The following ARHGEF16 variants were observed in gnomAD, a reference collection of about 807,000 sequenced individuals.
ARHGEF16 encodes Rho guanine exchange factor (GEF) 16.
In ARHGEF16, 59 loss-of-function variants were observed where a neutral mutation model predicts 74.1. That is an observed-to-expected ratio of 0.80 (90% CI 0.65 to 0.99). The LOEUF is 0.99. Ranked by LOEUF, ARHGEF16 falls within the 50% of genes least tolerant of loss-of-function variation. The pLI, the probability that ARHGEF16 is intolerant of heterozygous loss-of-function variation, is 0.00. For synonymous variants in ARHGEF16, 415 were observed against 412.6 expected (o/e 1.01, Z -0.07); for missense variants, 948 against 986.6 (o/e 0.96, Z 0.52).
At chr1:3,454,894 C>G (rs995107109) in intron 1 of ARHGEF16, 83 bp downstream of exon 1, 7 of 152,148 alleles carry the variant, frequency 4.6e-5, no homozygotes, top group Admixed American at 3.3e-4. Flanking sequence ...CCGGGGGAGG[C>G]GCCGGGAACC....
intron 2 of ARHGEF16, 36 bp downstream of exon 2, chr1:3,463,708 C>A: frequency 7.3e-7 from 1 of 1,362,546 alleles, no homozygotes; most frequent in Non-Finnish European, 9.5e-7. Flanking sequence ...GGGGAGGGGG[C>A]TGCTAGGCAG....
chr1:3,469,566 T>A lies in ARHGEF16; in HGVS notation c.995T>A (p.Ile332Asn), dbSNP rs758713112. ...QMEHHHLFSN[I>N]LDVLGASQRF... is the part of the protein sequence containing the mutation. ...GAGCACCACCACCTCTTCTCCAACA[T>A]CCTGGATGTCCTGGGTGCCAGTCAG... Residue 332 changes from isoleucine (I) to asparagine (N), a missense_variant, in exon 6 of 15, where the codon ATC (isoleucine) becomes AAC (asparagine). Coordinates refer to ENST00000378378, the MANE Select transcript of ARHGEF16 (RefSeq NM_014448.4). The A allele has an allele frequency of 6.2e-7, 1 of 1,612,902 alleles. No individual in the cohort carries two copies. The highest frequency in any genetic ancestry group is 8.5e-7 in the Non-Finnish European group (1 of 1,179,948).
At chr1:3,458,230 A>C (rs970889293) in intron 1 of ARHGEF16, among the ~76,000 whole-genome samples, 5 of 152,336 alleles carry the variant, frequency 3.3e-5, no homozygotes, top group African/African-American at 1.2e-4. Context: ...GGGAGACAGG[A>C]CAGCCAGCCA....
rs746180064 is a variant in ARHGEF16, at chr1:3,463,106, A to G, written c.22A>G (p.Ser8Gly). Reference sequence around the variant, plus strand: ...CAGCATGGCCCAGCGGCACTCAGACAGCTCCTTGGAGGAGAAGCTCCTGGG... The same window carrying G: ...CAGCATGGCCCAGCGGCACTCAGACGGCTCCTTGGAGGAGAAGCTCCTGGG... MAQRHSD[S>G]SLEEKLLGHR... Residue 8 changes from serine (S) to glycine (G), a missense_variant, in exon 2 of 15, where the codon AGC becomes GGC. By Grantham distance (56) the Ser-to-Gly change is moderately conservative. Coordinates refer to ENST00000378378, the MANE Select transcript of ARHGEF16 (RefSeq NM_014448.4). The G allele has an allele frequency of 1.4e-6, 2 of 1,459,402 alleles. No homozygotes were observed. The highest frequency in any genetic ancestry group is 1.4e-5 in the African/African-American group (1 of 70,020). The allele number at this position is 1,459,402 out of a possible 1,614,324, so 90.4% of individuals were successfully genotyped here. A position where few individuals can be genotyped will look rare whatever the true frequency, so the allele number is the denominator to read the frequency against.
intron 6 of ARHGEF16, 91 bp downstream of exon 6, chr1:3,469,684 G>A: frequency 6.5e-7 from 1 of 1,529,256 alleles, no homozygotes; most frequent in East Asian, 2.3e-5. Flanking sequence ...CAGGCCCCTG[G>A]GAGCCTGCGC....
In ARHGEF16 at chr1:3,478,729, C is replaced by T. The variant is rs765196206; in HGVS notation, c.1814+117C>T. On this transcript the variant is annotated intron_variant, in intron 12 of 14. Coordinates refer to ENST00000378378, the MANE Select transcript of ARHGEF16 (RefSeq NM_014448.4). ...TGGCTGGCTCTGAACGCCCACCGTG[C>T]ACCTGGCCCTGCTGTAGGTGCTGAG... The T allele has an allele frequency of 4.2e-4, 501 of 1,195,194 alleles. 4 individuals carry two copies. Among genetic ancestry groups the T allele is most frequent in the Middle Eastern group, 4.1e-3 (14 of 3,436 alleles). The allele number at this position is 1,195,194 out of a possible 1,614,324, so 74.0% of individuals were successfully genotyped here.
chr1:3,463,322 G>T lies in ARHGEF16; in HGVS notation c.238G>T (p.Ala80Ser). The T allele has an allele frequency of 6.5e-7, 1 of 1,550,170 alleles. No individual in the cohort carries two copies. Among genetic ancestry groups the T allele is most frequent in the Non-Finnish European group, 8.7e-7 (1 of 1,146,884 alleles). ...PIVLSTESPA[A>S]LKLGTQQLIP... ...CGTCCTGAGCACAGAGAGCCCGGCG[G>T]CCCTCAAGCTGGGCACCCAACAGCT... Residue 80 changes from alanine to serine, a missense_variant, in exon 2 of 15, where the codon GCC becomes TCC. Physicochemically the swap from Ala to Ser is moderately conservative, Grantham distance 99. Coordinates refer to ENST00000378378, the MANE Select transcript of ARHGEF16 (RefSeq NM_014448.4).
In ARHGEF16 at chr1:3,477,861, C is replaced by T. The variant is rs748276185; in HGVS notation, c.1474-14C>T. ...CCTCGCACTGATCTCCGCCTCCCGG[C>T]TCTGTCCCCCCAGTCCCTCCCACTG... On this transcript the variant is annotated splice_polypyrimidine_tract_variant and intron_variant, in intron 10 of 14. Coordinates refer to ENST00000378378, the MANE Select transcript of ARHGEF16 (RefSeq NM_014448.4). The T allele has an allele frequency of 6.2e-7, 1 of 1,602,374 alleles. No individual in the cohort carries two copies. The highest frequency in any genetic ancestry group is 8.5e-7 in the Non-Finnish European group (1 of 1,171,428).
intron 3 of ARHGEF16, 43 bp from the exon 4 acceptor site, chr1:3,467,125 T>A (rs1275037649): frequency 6.6e-7 from 1 of 1,524,260 alleles, no homozygotes; most frequent in African/African-American, 1.4e-5. Context: ...CGCAGCCTTT[T>A]GCAATCCCCC....
intron 9 of ARHGEF16, among the ~76,000 whole-genome samples, chr1:3,475,112 G>A (rs2493320): frequency 0.075 from 133 of 1,778 alleles, 59 homozygotes; most frequent in South Asian, 0.5. Flanking sequence ...GGCCTTTCAC[G>A]GCGCTGACAG....
Position 3,463,091 on chromosome 1 carries a change from C to T in ARHGEF16, c.7C>T (p.Gln3Ter), listed in dbSNP as rs1639441529. 2 of 1,454,684 alleles carry T rather than the reference C, an allele frequency of 1.4e-6. No homozygotes were observed. The highest frequency in any genetic ancestry group is 1.8e-6 in the Non-Finnish European group (2 of 1,099,166). 90.1% of individuals were successfully genotyped at this position (1,454,684 alleles called of 1,614,324 possible). A position where few individuals can be genotyped will look rare whatever the true frequency, so the allele number is the denominator to read the frequency against. Reference sequence around the variant, plus strand: ...GACCCCACAGCCGCCCAGCATGGCCCAGCGGCACTCAGACAGCTCCTTGGA... The same window carrying T: ...GACCCCACAGCCGCCCAGCATGGCCTAGCGGCACTCAGACAGCTCCTTGGA... MA[Q>*]RHSDSSLEEK... is the part of the protein sequence containing the mutation. Residue 3 changes from glutamine to a stop codon, truncating the protein, a stop_gained, in exon 2 of 15, where the codon CAG (glutamine) becomes TAG (stop). Coordinates refer to ENST00000378378, the MANE Select transcript of ARHGEF16 (RefSeq NM_014448.4). LOFTEE classifies it high-confidence loss of function.
chr1:3,456,294 C>T (rs1056376221), intron 1 of ARHGEF16, among the ~76,000 whole-genome samples: 3 of 152,228 alleles, frequency 2.0e-5, no homozygotes, highest in Non-Finnish European at 2.9e-5. Flanking sequence ...TCACATGTGA[C>T]GCGCAGGTCC....
Position 3,468,877 on chromosome 1 carries a change from C to G in ARHGEF16, c.805-3C>G, listed in dbSNP as rs1190061716. Reference sequence around the variant, plus strand: ...GAGAGCTCCTGGGCCTGTGTCCCCCCAGGTGGTGGAATTGGGCATCCTGGA... The same window carrying G: ...GAGAGCTCCTGGGCCTGTGTCCCCCGAGGTGGTGGAATTGGGCATCCTGGA... On this transcript the variant is annotated splice_polypyrimidine_tract_variant and splice_region_variant and intron_variant, in intron 4 of 14. Coordinates refer to ENST00000378378, the MANE Select transcript of ARHGEF16 (RefSeq NM_014448.4). The G allele has an allele frequency of 1.9e-6, 3 of 1,550,432 alleles. No homozygotes were observed. Among genetic ancestry groups the G allele is most frequent in the South Asian group, 1.2e-5 (1 of 84,064 alleles).
chr1:3,476,636 G>T (rs1248008843), intron 10 of ARHGEF16, among the ~76,000 whole-genome samples: 1 of 152,038 alleles, frequency 6.6e-6, no homozygotes, highest in African/African-American at 2.4e-5. Context: ...CCCACACACT[G>T]GCCGCATCCT....
chr1:3,478,492 C>G lies in ARHGEF16; in HGVS notation c.1694C>G (p.Ser565Cys). 1 of 1,612,654 alleles carries G rather than the reference C, an allele frequency of 6.2e-7. No homozygotes were observed. Among genetic ancestry groups the G allele is most frequent in the South Asian group, 1.1e-5 (1 of 91,074 alleles). The change falls in exon 12 of 15, where the codon TCT becomes TGT. Residue 565 changes from serine (S) to cysteine (C), a missense_variant. Ser to Cys is a moderately radical substitution (Grantham distance 112). Transcript: ENST00000378378. ...NHIQVEKIEP[S>C]ELPLPGGGNR... ...ATCCAGGTGGAGAAGATAGAGCCGT[C>G]TGAGCTCCCTCTGCCCGGGGGCGGC... is the stretch of plus-strand genomic sequence containing the variant.
chr1:3,480,036 G>T (rs1402057185), intron 14 of ARHGEF16, 123 bp downstream of exon 14: 3 of 956,144 alleles, frequency 3.1e-6, no homozygotes, highest in Admixed American at 4.4e-5. Flanking sequence ...ACCCTCTCTC[G>T]AGGGCTTCCT....
In ARHGEF16 at chr1:3,473,427, G is replaced by A; in HGVS notation, c.1210G>A (p.Glu404Lys). The change falls in exon 8 of 15, where the codon GAG becomes AAG. Residue 404 changes from glutamate to lysine, a missense_variant. Coordinates refer to ENST00000378378, the MANE Select transcript of ARHGEF16 (RefSeq NM_014448.4). ...SNAAFREALR[E>K]IERRPACGGL... ...CGCCGCCTTCCGAGAGGCCCTGAGAGAGATTGAGAGGCGGCCGGCGTGCGG... is the reference window on the plus strand; with the variant it reads ...CGCCGCCTTCCGAGAGGCCCTGAGAAAGATTGAGAGGCGGCCGGCGTGCGG... 3.1e-6 allele frequency: 5 copies of A among 1,612,406 alleles called. No individual in the cohort carries two copies. Among genetic ancestry groups the A allele is most frequent in the Non-Finnish European group, 4.2e-6 (5 of 1,179,700 alleles).
intron 4 of ARHGEF16, 77 bp from the exon 5 acceptor site, chr1:3,468,803 G>A: frequency 6.6e-7 from 1 of 1,510,058 alleles, no homozygotes. Context: ...GGTCCATCAG[G>A]AGGAGGAAAG....
At position 3,473,799 on chromosome 1, in the gene ARHGEF16, T is replaced by C. The variant is rs190179660; in HGVS notation, c.1305+277T>C. 847 of 528,104 alleles carry C rather than the reference T, an allele frequency of 1.6e-3. 2 individuals are homozygous for C. The highest frequency in any genetic ancestry group is 2.4e-3 in the Non-Finnish European group (720 of 300,818). 32.7% of individuals were successfully genotyped at this position (528,104 alleles called of 1,614,324 possible). A position where few individuals can be genotyped will look rare whatever the true frequency, so the allele number is the denominator to read the frequency against. On this transcript the variant is annotated intron_variant, in intron 8 of 14. Coordinates refer to ENST00000378378, the MANE Select transcript of ARHGEF16 (RefSeq NM_014448.4). ...ATGAGGTTCAGGCACACTGACGAGT[T>C]GGAACTGGCATCACCCAGAGCCCTG...
Sources: allele counts gnomAD v4.1 joint callset (sites outside exome capture counted in the v4.1 genomes callset), GRCh38; gene constraint gnomAD v4.1.1; transcripts MANE v1.5; gene names NCBI Gene and HGNC (gene_info 2026-07-23, HGNC 2026-07-21).